IL6R: variants seen among roughly 807,000 people sequenced by gnomAD.
IL6R encodes the protein interleukin-6 receptor subunit alpha.
In IL6R, 38 loss-of-function variants were observed where a neutral mutation model predicts 48.3. The ratio of observed to expected loss-of-function variants is 0.79; its 90% CI spans 0.61 to 1.03. The LOEUF (loss-of-function observed/expected upper bound fraction) is 1.03, where lower values mean the gene tolerates loss of function less well. Ranked by LOEUF, IL6R falls within the 50% of genes least tolerant of loss-of-function variation. IL6R has a pLI of 0.00. For missense variants in IL6R, 534 were observed against 618.3 expected (o/e 0.86, Z 1.45); for synonymous variants, 264 against 256.2 (o/e 1.03, Z -0.29).
chr1:154,461,262 C>T (rs1691245968), intron 9 of IL6R, among the ~76,000 whole-genome samples: 1 of 152,236 alleles, frequency 6.6e-6, no homozygotes, highest in Non-Finnish European at 1.5e-5. Context: ...CCTTGAAGCA[C>T]AGCACCACAG....
Position 154,434,605 on chromosome 1 carries a change from A to C in IL6R, c.545A>C (p.Glu182Ala), listed in dbSNP as rs763395728. The change falls in exon 4 of 10, where the codon GAG (glutamate) becomes GCG (alanine). Residue 182 changes from glutamate (E) to alanine (A), a missense_variant. By Grantham distance (107) the Glu-to-Ala change is moderately radical. Coordinates refer to ENST00000368485, the MANE Select transcript of IL6R (RefSeq NM_000565.4). The part of the protein sequence containing the change: ...QKFSCQLAVP[E>A]GDSSFYIVSM... ...TTCTCCTGCCAGTTAGCAGTCCCGG[A>C]GGGAGACAGCTCTTTCTACATAGTG... 9 of 1,614,008 alleles carry C rather than the reference A, an allele frequency of 5.6e-6. No individual in the cohort carries two copies. In the East Asian group the frequency reaches 2.0e-4, roughly 36 times the overall value.
chr1:154,456,460 G>T (rs1235775473), intron 9 of IL6R, among the ~76,000 whole-genome samples: 2 of 152,086 alleles, frequency 1.3e-5, no homozygotes, highest in African/African-American at 4.8e-5. Context: ...GCCCGCCTCC[G>T]CCTCCCAAAG....
chr1:154,458,337 A>C (rs978779406), intron 9 of IL6R, among the ~76,000 whole-genome samples: 2 of 152,086 alleles, frequency 1.3e-5, no homozygotes, highest in Admixed American at 1.3e-4. Context: ...TAAGATTCTT[A>C]ATGAGTAGAG....
chr1:154,416,855 A>C (rs1316196227), intron 1 of IL6R, among the ~76,000 whole-genome samples: 3 of 152,172 alleles, frequency 2.0e-5, no homozygotes, highest in Non-Finnish European at 4.4e-5. Context: ...GAACACATGC[A>C]TGGAACCACC....
chr1:154,453,421 C>T (rs1446731392), intron 8 of IL6R, among the ~76,000 whole-genome samples: 3 of 152,196 alleles, frequency 2.0e-5, no homozygotes, highest in African/African-American at 7.2e-5. Flanking sequence ...GCAGCCTCTT[C>T]GTCAGCAGTG....
intron 1 of IL6R, among the ~76,000 whole-genome samples, chr1:154,415,942 G>A (rs995044089): frequency 6.6e-6 from 1 of 152,004 alleles, no homozygotes; most frequent in Non-Finnish European, 1.5e-5. Context: ...TCCAGCCTGG[G>A]CGACAAGAGT....
At chr1:154,426,236 C>T (rs1055588649) in intron 1 of IL6R, among the ~76,000 whole-genome samples, 4 of 151,752 alleles carry the variant, frequency 2.6e-5, no homozygotes, top group African/African-American at 4.8e-5. Context: ...ACCAGCTGGG[C>T]GTGGTGGCTC....
intron 1 of IL6R, among the ~76,000 whole-genome samples, chr1:154,427,990 T>A (rs557908271): frequency 2.6e-4 from 39 of 152,310 alleles, no homozygotes; most frequent in Admixed American, 2.5e-3. Flanking sequence ...GATTTATTGC[T>A]ACTGCTTGCT....
intron 1 of IL6R, among the ~76,000 whole-genome samples, chr1:154,427,702 G>A (rs989658172): frequency 2.0e-5 from 3 of 152,202 alleles, no homozygotes; most frequent in South Asian, 4.1e-4. Flanking sequence ...TCTGTCCCTG[G>A]ACTGTGGCCA....
At chr1:154,456,131 C>G (rs1315199390) in intron 9 of IL6R, among the ~76,000 whole-genome samples, 1 of 151,804 alleles carries the variant, frequency 6.6e-6, no homozygotes, top group Non-Finnish European at 1.5e-5. Flanking sequence ...GATGCAGTAG[C>G]CCAGGGTCTG....
chr1:154,459,734 C>T (rs1417143921), intron 9 of IL6R, among the ~76,000 whole-genome samples: 1 of 152,064 alleles, frequency 6.6e-6, no homozygotes, highest in Admixed American at 6.6e-5. Flanking sequence ...TTCCTCCCAC[C>T]CTATTCTCTG....
At chr1:154,442,783 T>G (rs1690012370) in intron 6 of IL6R, among the ~76,000 whole-genome samples, 1 of 127,480 alleles carries the variant, frequency 7.8e-6, no homozygotes, top group Non-Finnish European at 1.6e-5. Context: ...CAAAATCATT[T>G]TCTTCTTTTT....
Position 154,450,976 on chromosome 1 carries a change from G to A in IL6R, c.1066+996G>A, listed in dbSNP as rs191657237. On this transcript the variant is annotated intron_variant, in intron 8 of 9. Transcript: ENST00000368485. ...CTGAGCTCTGCACAGTTGGGGACTCGGAGAGGATTAGAGCCATCCCTGTTC... is the reference window on the plus strand; with the variant it reads ...CTGAGCTCTGCACAGTTGGGGACTCAGAGAGGATTAGAGCCATCCCTGTTC... Among the ~76,000 whole-genome samples, 244 of 152,360 alleles carry A rather than the reference G, an allele frequency of 1.6e-3. 1 individual carries two copies. Among genetic ancestry groups the A allele is most frequent in the African/African-American group, 5.6e-3 (234 of 41,590 alleles).
At position 154,448,283 on chromosome 1, in the gene IL6R, G is replaced by A. The variant is rs553599062; in HGVS notation, c.996+112G>A. The A allele has an allele frequency of 9.7e-5, 77 of 797,596 alleles. No individual in the cohort carries two copies. In the South Asian group the frequency reaches 1.1e-3, roughly 11 times the overall value. 49.4% of individuals were successfully genotyped at this position (797,596 alleles called of 1,614,324 possible). On this transcript the variant is annotated intron_variant, in intron 7 of 9. Coordinates refer to ENST00000368485, the MANE Select transcript of IL6R (RefSeq NM_000565.4). ...ATCCAGTTCTGTCACTAGTAGAAAT[G>A]TGGTCGTGGTGAGTTACCTGTGCTT...
At position 154,427,046 on chromosome 1, in the gene IL6R, G is replaced by A. The variant is rs569666485; in HGVS notation, c.86-2150G>A. ...CAATTCTCCTGCCTCAGCCTCCCAA[G>A]TAGCTGGGATTACAGGAGCCTGCCA... On this transcript the variant is annotated intron_variant, in intron 1 of 9. Transcript: ENST00000368485. 1.4e-4 allele frequency among the ~76,000 whole-genome samples: 22 copies of A among 152,112 alleles called. No homozygotes were observed. The South Asian group carries it at 4.1e-3, about 29-fold the overall frequency.
chr1:154,449,381 C>T (rs1406518953), intron 7 of IL6R, among the ~76,000 whole-genome samples: 7 of 152,148 alleles, frequency 4.6e-5, no homozygotes, highest in African/African-American at 4.8e-5. Flanking sequence ...GGTGTGGTGG[C>T]GCATGCCTGT....
intron 3 of IL6R, 53 bp from the exon 4 acceptor site, chr1:154,434,466 T>C: frequency 6.5e-6 from 10 of 1,531,642 alleles, no homozygotes; most frequent in Non-Finnish European, 8.9e-6. Flanking sequence ...TGTCCCGTCT[T>C]GAGTCTGTGC....
chr1:154,447,825 C>A (rs1690360034), intron 6 of IL6R, among the ~76,000 whole-genome samples: 1 of 151,972 alleles, frequency 6.6e-6, no homozygotes. Flanking sequence ...AACGATTCTC[C>A]TGCCTCAGCC....
rs1429239368 is a variant in IL6R at position 154,417,066 on chromosome 1, G to A, written c.85+11352G>A. Among the ~76,000 whole-genome samples, 5 of 152,270 alleles carry A rather than the reference G, an allele frequency of 3.3e-5. No individual in the cohort carries two copies. The East Asian group carries it at 7.7e-4, about 24-fold the overall frequency. The stretch of plus-strand genomic sequence containing the variant: ...GGGTCTGTAGATATGGAATGGGGGT[G>A]CGTACATCAGGTCCCTCCCTCTCCC... On this transcript the variant is annotated intron_variant, in intron 1 of 9. Transcript: ENST00000368485.
Sources: gnomAD v4.1 joint callset for allele counts (sites outside exome capture counted in the v4.1 genomes callset) on GRCh38, gnomAD v4.1.1 for gene constraint, MANE v1.5 for transcripts, NCBI Gene and HGNC (gene_info 2026-07-23, HGNC 2026-07-21) for gene names.